FN1: variants seen among roughly 807,000 people sequenced by gnomAD.
FN1 encodes fibronectin 1, also known as fibronectin.
FN1 carries 106 observed loss-of-function variants against 297.3 expected under a neutral mutation model. That is an observed-to-expected ratio of 0.36 (90% CI 0.30 to 0.42). FN1 has a LOEUF of 0.42. Ranked by LOEUF, FN1 falls within the 10% of genes least tolerant of loss-of-function variation. FN1 has a pLI of 1.00. For synonymous variants in FN1, 1,149 were observed against 1,152.6 expected, an observed-to-expected ratio of 1.00 and a Z score of 0.06; for missense variants, 2,690 against 3,124.9, an observed-to-expected ratio of 0.86 and a Z score of 3.32.
At position 215,384,373 on chromosome 2, in the gene FN1, T is replaced by C. The variant is rs781007905; in HGVS notation, c.4730-189A>G. The C allele has an allele frequency of 2.1e-5, 13 of 605,796 alleles. 1 individual carries two copies. Among genetic ancestry groups the C allele is most frequent in the South Asian group, 1.2e-4 (6 of 50,636 alleles). The allele number at this position is 605,796 out of a possible 1,614,324, so 37.5% of individuals were successfully genotyped here. ...GCAAACCTTGGTAAGTGTATAAACA[T>C]TGAGAGAAAATTACAGTTAGCGCTG... On this transcript the variant is annotated intron_variant, in intron 29 of 45. Coordinates refer to ENST00000354785, the MANE Select transcript of FN1 (RefSeq NM_212482.4).
rs953787790 is a variant in FN1, at chr2:215,360,937, A to G, written c.*618T>C. 6.5e-6 allele frequency: 1 copy of G among 153,928 alleles called. No homozygotes were observed. Among genetic ancestry groups the G allele is most frequent in the Non-Finnish European group, 1.5e-5 (1 of 68,906 alleles). 9.5% of individuals were successfully genotyped at this position (153,928 alleles called of 1,614,324 possible). A position where few individuals can be genotyped will look rare whatever the true frequency, so the allele number is the denominator to read the frequency against. On this transcript the variant is annotated 3_prime_UTR_variant, in exon 46 of 46. Coordinates refer to ENST00000354785, the MANE Select transcript of FN1 (RefSeq NM_212482.4). ...AGCTTTGGCACATACAGTATAAAAA[A>G]TAATCACCCACCATAATTATACCAA...
intron 40 of FN1, 56 bp from the exon 41 acceptor site, chr2:215,370,488 C>T (rs540468041): frequency 4.5e-5 from 65 of 1,437,542 alleles, no homozygotes; most frequent in Middle Eastern, 1.8e-4. Context: ...AGGAATGACA[C>T]GGGCTCTCCT....
chr2:215,413,800 A>G (rs1286689101), intron 13 of FN1, among the ~76,000 whole-genome samples: 1 of 152,214 alleles, frequency 6.6e-6, no homozygotes, highest in Non-Finnish European at 1.5e-5. Flanking sequence ...TGAAAATATT[A>G]TTTTGCCCTC....
chr2:215,379,063 AC>A lies in FN1; in HGVS notation c.5622+66del, dbSNP rs1292587712. On this transcript the variant is annotated intron_variant, in intron 34 of 45. Transcript: ENST00000354785. Reference sequence around the variant, plus strand: ...AGATTTATTATGATATTATATTTTCACCACCTTAGAAACTGTGTTAGAGATG... The same window carrying A: ...AGATTTATTATGATATTATATTTTCACACCTTAGAAACTGTGTTAGAGATG... The A allele has an allele frequency of 2.9e-5, 38 of 1,308,032 alleles. No individual in the cohort carries two copies. In the African/African-American group the frequency reaches 5.4e-4, roughly 18 times the overall value. The allele number at this position is 1,308,032 out of a possible 1,614,324, so 81.0% of individuals were successfully genotyped here.
rs753094089 is a variant in FN1 at position 215,375,216 on chromosome 2, G to A, written c.6155C>T (p.Thr2052Ile). The A allele has an allele frequency of 6.2e-7, 1 of 1,614,044 alleles. No individual in the cohort carries two copies. Among genetic ancestry groups the A allele is most frequent in the Non-Finnish European group, 8.5e-7 (1 of 1,179,944 alleles). ...TGACAGCATGGAAGCAGCAATACCA[G>A]TAATAGTAGCCTCTGTGACACCAGG... The part of the protein sequence containing the change: ...PRPGVTEATI[T>I]GLEPGTEYTI... The change falls in exon 38 of 46, where the codon ACT becomes ATT. Residue 2052 changes from threonine (T) to isoleucine (I), a missense_variant and splice_region_variant. Physicochemically the swap from Thr to Ile is moderately conservative, Grantham distance 89. Coordinates refer to ENST00000354785, the MANE Select transcript of FN1 (RefSeq NM_212482.4).
Position 215,391,786 on chromosome 2 carries a change from G to A in FN1, c.4098C>T (p.Phe1366=). Reference sequence around the variant, plus strand: ...GCATGGTGTCTGGACCAATGTTGGTGAATCGCAGGTCAGTGGGAGGAGGAA... The same window carrying A: ...GCATGGTGTCTGGACCAATGTTGGTAAATCGCAGGTCAGTGGGAGGAGGAA... The part of the protein sequence containing the change: ...TAVPPPTDLR[F]TNIGPDTMRV... The change falls in exon 26 of 46, where the codon TTC becomes TTT. Residue 1366 remains phenylalanine, a synonymous_variant. Coordinates refer to ENST00000354785, the MANE Select transcript of FN1 (RefSeq NM_212482.4). 6 of 1,614,162 alleles carry A rather than the reference G, an allele frequency of 3.7e-6. No homozygotes were observed. The highest frequency in any genetic ancestry group is 5.1e-6 in the Non-Finnish European group (6 of 1,179,998).
Position 215,370,437 on chromosome 2 carries a change from A to C in FN1, c.6715-5T>G, listed in dbSNP as rs1347763617. 1 of 1,613,380 alleles carries C rather than the reference A, an allele frequency of 6.2e-7. No individual in the cohort carries two copies. On this transcript the variant is annotated splice_region_variant and splice_polypyrimidine_tract_variant and intron_variant, in intron 40 of 45. Coordinates refer to ENST00000354785, the MANE Select transcript of FN1 (RefSeq NM_212482.4). ...AGAAGTTCCAGGAACCCTGAACTGC[A>C]ATTATCGGTACATCCAAAGCAGAGA...
rs973946206 is a variant in FN1, at chr2:215,436,004, T to G, written c.-202A>C. On this transcript the variant is annotated 5_prime_UTR_variant, in exon 1 of 46. Transcript: ENST00000354785. Reference sequence around the variant, plus strand: ...GGACCAGAGAAGTTGTGGCTGCAGGTCCCCTCTTCCCGCTCGCGCCTGGGG... The same window carrying G: ...GGACCAGAGAAGTTGTGGCTGCAGGGCCCCTCTTCCCGCTCGCGCCTGGGG... 5.1e-6 allele frequency: 6 copies of G among 1,172,998 alleles called. No homozygotes were observed. The African/African-American group carries it at 6.2e-5, about 12-fold the overall frequency. 72.7% of individuals were successfully genotyped at this position (1,172,998 alleles called of 1,614,324 possible).
intron 20 of FN1, among the ~76,000 whole-genome samples, chr2:215,400,673 A>G (rs1007091341): frequency 5.8e-5 from 8 of 138,584 alleles, no homozygotes; most frequent in African/African-American, 2.1e-4. Context: ...AATCACCTGA[A>G]CCTGGGAGAT....
chr2:215,402,408 G>A (rs557269714), intron 20 of FN1, among the ~76,000 whole-genome samples: 2 of 152,312 alleles, frequency 1.3e-5, no homozygotes, highest in Admixed American at 6.5e-5. Context: ...ATAAGACTAA[G>A]CTGAATTTTC....
chr2:215,430,172 G>C (rs1364909147), intron 5 of FN1, among the ~76,000 whole-genome samples: 1 of 152,148 alleles, frequency 6.6e-6, no homozygotes, highest in Non-Finnish European at 1.5e-5. Flanking sequence ...GTAGTTAATG[G>C]CTGTTTTACT....
intron 40 of FN1, 103 bp from the exon 41 acceptor site, chr2:215,370,535 G>GAAA: frequency 3.6e-6 from 2 of 558,398 alleles, no homozygotes; most frequent in Non-Finnish European, 5.3e-6. Context: ...CAAAGCAAAG[G>GAAA]AAGACAAAAA....
At position 215,397,575 on chromosome 2, in the gene FN1, TC is replaced by T; in HGVS notation, c.3517+104del. 6 of 926,482 alleles carry T rather than the reference TC, an allele frequency of 6.5e-6. No individual in the cohort carries two copies. In the South Asian group the frequency reaches 6.7e-5, roughly 10 times the overall value. The allele number at this position is 926,482 out of a possible 1,614,324, so 57.4% of individuals were successfully genotyped here. A position where few individuals can be genotyped will look rare whatever the true frequency, so the allele number is the denominator to read the frequency against. On this transcript the variant is annotated intron_variant, in intron 22 of 45. Coordinates refer to ENST00000354785, the MANE Select transcript of FN1 (RefSeq NM_212482.4). ...ATAATATAAGTAAGGATAAGATATCTCCCCTGTGCCATTCTCATAAGTAAAA... is the reference window on the plus strand; with the variant it reads ...ATAATATAAGTAAGGATAAGATATCTCCCTGTGCCATTCTCATAAGTAAAA...
Position 215,361,259 on chromosome 2 carries a change from C to G in FN1, c.*296G>C, listed in dbSNP as rs2053393152. 11 of 360,420 alleles carry G rather than the reference C, an allele frequency of 3.1e-5. No individual in the cohort carries two copies. The South Asian group carries it at 3.7e-4, about 12-fold the overall frequency. The allele number at this position is 360,420 out of a possible 1,614,324, so 22.3% of individuals were successfully genotyped here. On this transcript the variant is annotated 3_prime_UTR_variant, in exon 46 of 46. Transcript: ENST00000354785. ...TTTGCATCTTGGTTGGCTGCATATG[C>G]TTTCCTATTGATCCCAAACCAAATC...
chr2:215,412,760 CTTTT>C (rs10524797), intron 13 of FN1, among the ~76,000 whole-genome samples: 4 of 97,568 alleles, frequency 4.1e-5, no homozygotes, highest in African/African-American at 1.7e-4. Flanking sequence ...TATTAAGTAT[CTTTT>C]TTTTTTTTTT....
intron 15 of FN1, 82 bp from the exon 16 acceptor site, chr2:215,408,508 A>T (rs2062103172): frequency 7.3e-7 from 1 of 1,365,242 alleles, no homozygotes; most frequent in African/African-American, 1.4e-5. Flanking sequence ...AGGATATTTT[A>T]AGAATTATAT....
Position 215,365,418 on chromosome 2 carries a change from C to T in FN1, c.7144+87G>A, listed in dbSNP as rs1473966995. ...ACTCCTCAAGGAGACCTAAAGTCTC[C>T]AATCATTTCTGTGAATGAGAGTTAC... On this transcript the variant is annotated intron_variant, in intron 43 of 45. Transcript: ENST00000354785. 10 of 1,424,322 alleles carry T rather than the reference C, an allele frequency of 7.0e-6. No homozygotes were observed. In the East Asian group the frequency reaches 2.1e-4, roughly 29 times the overall value. 88.2% of individuals were successfully genotyped at this position (1,424,322 alleles called of 1,614,324 possible).
At chr2:215,403,869 G>A (rs1476683873) in intron 20 of FN1, among the ~76,000 whole-genome samples, 1 of 152,152 alleles carries the variant, frequency 6.6e-6, no homozygotes, top group African/African-American at 2.4e-5. Flanking sequence ...TCAATTAGTT[G>A]GTTCCCATTC....
chr2:215,407,373 CT>C, intron 17 of FN1, 52 bp from the exon 18 acceptor site: 1 of 1,408,030 alleles, frequency 7.1e-7, no homozygotes, highest in Non-Finnish European at 1.0e-6. Flanking sequence ...GAGACAGAGG[CT>C]TAGAAACACC....
Sources: allele counts gnomAD v4.1 joint callset (sites outside exome capture counted in the v4.1 genomes callset), GRCh38; gene constraint gnomAD v4.1.1; transcripts MANE v1.5; gene names NCBI Gene and HGNC (gene_info 2026-07-23, HGNC 2026-07-21).